Variants in NEK11 observed in about 807,000 individuals in gnomAD.
NEK11 encodes the protein serine/threonine-protein kinase Nek11.
Under a neutral mutation model 80.7 loss-of-function variants are expected in NEK11, and 72 were observed. The ratio of observed to expected loss-of-function variants is 0.89; its 90% CI spans 0.74 to 1.08. The LOEUF is 1.08. NEK11 is among the 50% of genes least tolerant of loss of function. The pLI, the probability that NEK11 is intolerant of heterozygous loss-of-function variation, is 0.00. For synonymous variants in NEK11, 251 were observed against 260.7 expected (o/e 0.96, Z 0.36); for missense variants, 764 against 763.6 (o/e 1.00, Z -0.01).
rs967348213 is a variant in NEK11, at chr3:131,239,781, T to C, written c.1561-3655T>C. ...TGCTGGTGCTCAAACTGAGCTCTCA[T>C]CCCAAACTAAGTTCTTGTGGCAGCT... On this transcript the variant is annotated intron_variant, in intron 15 of 17. Transcript: ENST00000383366. 2.0e-5 allele frequency among the ~76,000 whole-genome samples: 3 copies of C among 152,320 alleles called. 1 individual carries two copies. The South Asian group carries it at 6.2e-4, about 32-fold the overall frequency.
At chr3:131,078,892 A>ACAGTCTGCAGTTCATCCTCTCCTCAGC (rs2074813403) in intron 3 of NEK11, among the ~76,000 whole-genome samples, 1 of 146,378 alleles carries the variant, frequency 6.8e-6, no homozygotes, top group Admixed American at 6.8e-5. Flanking sequence ...TTTTTTGCAT[A>ACAGTCTGCAGTTCATCCTCTCCTCAGC]AACTACATCC....
chr3:131,058,591 A>C (rs1247170838), intron 3 of NEK11, among the ~76,000 whole-genome samples: 1 of 152,176 alleles, frequency 6.6e-6, no homozygotes, highest in Non-Finnish European at 1.5e-5. Flanking sequence ...ATTGTATTTT[A>C]TGTAAATACA....
At chr3:131,175,099 T>G in intron 14 of NEK11, 2 of 1,093,012 alleles carry the variant, frequency 1.8e-6, no homozygotes, top group African/African-American at 3.3e-5. Flanking sequence ...TTTTTAAATG[T>G]CCAAGTGGAA....
chr3:131,149,242 G>C (rs1006435822), intron 7 of NEK11, among the ~76,000 whole-genome samples: 1 of 152,034 alleles, frequency 6.6e-6, no homozygotes, highest in Non-Finnish European at 1.5e-5. Context: ...AGAAAATGCA[G>C]TATTTGGTTT....
At chr3:131,267,398 G>A (rs765867358) in intron 16 of NEK11, among the ~76,000 whole-genome samples, 4 of 152,154 alleles carry the variant, frequency 2.6e-5, no homozygotes, top group African/African-American at 7.2e-5. Context: ...CGATAAAATC[G>A]CTCAACATTT....
intron 17 of NEK11, among the ~76,000 whole-genome samples, chr3:131,322,549 A>G (rs978554764): frequency 1.3e-5 from 2 of 152,204 alleles, no homozygotes; most frequent in African/African-American, 4.8e-5. Context: ...ATCACTAATC[A>G]TCAGAGAAAT....
At chr3:131,162,356 T>C (rs1183733322) in intron 10 of NEK11, 52 bp from the exon 11 acceptor site, 1 of 1,582,960 alleles carries the variant, frequency 6.3e-7, no homozygotes, top group Non-Finnish European at 8.6e-7. Flanking sequence ...TGTTTAATTT[T>C]TCTGAACATG....
chr3:131,253,170 C>G (rs371917059), intron 16 of NEK11, among the ~76,000 whole-genome samples: 1 of 152,114 alleles, frequency 6.6e-6, no homozygotes, highest in South Asian at 2.1e-4. Flanking sequence ...TGGTCCTTGT[C>G]ATGAGGTGGG....
chr3:131,249,578 A>G (rs2095664166), intron 16 of NEK11, among the ~76,000 whole-genome samples: 1 of 152,126 alleles, frequency 6.6e-6, no homozygotes, highest in Admixed American at 6.6e-5. Flanking sequence ...ATGAAAACAA[A>G]GAGATGAGTT....
chr3:131,047,232 C>G (rs2067544138), intron 3 of NEK11, among the ~76,000 whole-genome samples: 1 of 152,108 alleles, frequency 6.6e-6, no homozygotes, highest in Admixed American at 6.6e-5. Context: ...TTCTCTGATG[C>G]CTTCTCGATT....
chr3:131,289,860 A>G (rs1055835991), intron 17 of NEK11, among the ~76,000 whole-genome samples: 2 of 152,172 alleles, frequency 1.3e-5, no homozygotes, highest in Non-Finnish European at 2.9e-5. Context: ...CTTCACTATC[A>G]TGGTGCAACA....
intron 17 of NEK11, among the ~76,000 whole-genome samples, chr3:131,318,719 T>C (rs1350792985): frequency 6.8e-6 from 1 of 146,722 alleles, no homozygotes; most frequent in Non-Finnish European, 1.5e-5. Context: ...TGTCATTGTT[T>C]AGTATGCGTG....
At chr3:131,349,461 T>C (rs1488873957) in intron 17 of NEK11, 96 bp from the exon 18 acceptor site, 1 of 1,040,290 alleles carries the variant, frequency 9.6e-7, no homozygotes. Context: ...AATCCCAGAA[T>C]GACAATGTTT....
chr3:131,194,062 A>G (rs1035976391), intron 14 of NEK11, among the ~76,000 whole-genome samples: 3 of 152,224 alleles, frequency 2.0e-5, no homozygotes, highest in Non-Finnish European at 4.4e-5. Flanking sequence ...ACTTTCAGAC[A>G]CTGGGAGGTA....
At chr3:131,347,052 A>G (rs1209061362) in intron 17 of NEK11, among the ~76,000 whole-genome samples, 1 of 152,204 alleles carries the variant, frequency 6.6e-6, no homozygotes, top group Admixed American at 6.5e-5. Context: ...AGATGTCAGC[A>G]AAAGAAACAC....
In NEK11 at chr3:131,273,593, G is replaced by A; in HGVS notation, c.1718+19G>A. 1 of 1,577,626 alleles carries A rather than the reference G, an allele frequency of 6.3e-7. No homozygotes were observed. Among genetic ancestry groups the A allele is most frequent in the East Asian group, 2.2e-5 (1 of 44,636 alleles). ...TGAGGGAGTAAGTAGCATGTTGCCT[G>A]CCCCCTAGGAAGGTGCAGTGTTAAA... is the stretch of plus-strand genomic sequence containing the variant. On this transcript the variant is annotated intron_variant, in intron 17 of 17. Coordinates refer to ENST00000383366, the MANE Select transcript of NEK11 (RefSeq NM_024800.5).
intron 16 of NEK11, among the ~76,000 whole-genome samples, chr3:131,263,659 G>A (rs941294663): frequency 6.6e-6 from 1 of 152,136 alleles, no homozygotes; most frequent in Non-Finnish European, 1.5e-5. Flanking sequence ...ATTGTGAATA[G>A]TGCCACAATA....
chr3:131,263,846 C>T (rs977764891), intron 16 of NEK11, among the ~76,000 whole-genome samples: 1 of 151,892 alleles, frequency 6.6e-6, no homozygotes, highest in Non-Finnish European at 1.5e-5. Flanking sequence ...GTAAAAGTCC[C>T]TATTTCTCCA....
At chr3:131,252,492 A>G (rs1468936340) in intron 16 of NEK11, among the ~76,000 whole-genome samples, 2 of 152,088 alleles carry the variant, frequency 1.3e-5, no homozygotes, top group East Asian at 3.9e-4. Flanking sequence ...TTTGAATTCT[A>G]CTTGGAACAG....
Sources: gnomAD v4.1 joint callset for allele counts (sites outside exome capture counted in the v4.1 genomes callset) on GRCh38, gnomAD v4.1.1 for gene constraint, MANE v1.5 for transcripts, NCBI Gene and HGNC (gene_info 2026-07-23, HGNC 2026-07-21) for gene names.